RAPGEF5: variants seen among roughly 807,000 people sequenced by gnomAD.
The protein encoded by RAPGEF5 is Rap guanine nucleotide exchange factor 5.
RAPGEF5 carries 65 observed loss-of-function variants against 125.2 expected under a neutral mutation model. That is an observed-to-expected ratio of 0.52 (90% confidence interval 0.43 to 0.64). RAPGEF5 has a LOEUF of 0.64. Ranked by LOEUF, RAPGEF5 falls within the 30% of genes least tolerant of loss-of-function variation. The probability of loss-of-function intolerance (pLI) is 0.00; values close to 1 mark genes in which losing one functional copy is unlikely to be tolerated. For missense variants in RAPGEF5, 958 were observed against 1,048.1 expected (o/e 0.91, Z 1.19); for synonymous variants, 391 against 385.9 (o/e 1.01, Z -0.16).
In RAPGEF5 at chr7:22,327,253, T is replaced by A. The variant is rs1234434380; in HGVS notation, c.232-9216A>T. 2.6e-5 allele frequency among the ~76,000 whole-genome samples: 4 copies of A among 152,246 alleles called. No individual in the cohort carries two copies. In the East Asian group the frequency reaches 7.7e-4, roughly 29 times the overall value. On this transcript the variant is annotated intron_variant, in intron 1 of 25. Coordinates refer to ENST00000665637, the MANE Select transcript of RAPGEF5 (RefSeq NM_012294.5). ...CTTTCTACTCATGTTTAAATTTTCA[T>A]ATAGATTGTAAAAATACATTCATAT...
Position 22,167,105 on chromosome 7 carries a change from C to G in RAPGEF5, c.1248G>C (p.Met416Ile). ...GAGCCTGGCACAAGTCATCAGTTGT[C>G]ATGAAGACAGTGTACGTGAGAAGGA... is the stretch of plus-strand genomic sequence containing the variant. ...DDFLLTYTVF[M>I]TTDDLCQALL... is the part of the protein sequence containing the mutation. Residue 416 changes from methionine to isoleucine, a missense_variant, in exon 12 of 26, where the codon ATG becomes ATC. Met to Ile is a conservative substitution (Grantham distance 10, BLOSUM62 1). Coordinates refer to ENST00000665637, the MANE Select transcript of RAPGEF5 (RefSeq NM_012294.5). The G allele has an allele frequency of 6.2e-7, 1 of 1,612,938 alleles. No homozygotes were observed. The highest frequency in any genetic ancestry group is 8.5e-7 in the Non-Finnish European group (1 of 1,179,494).
In RAPGEF5 at chr7:22,140,077, A is replaced by G; in HGVS notation, c.2225T>C (p.Ile742Thr). 6.4e-7 allele frequency: 1 copy of G among 1,565,798 alleles called. No individual in the cohort carries two copies. The highest frequency in any genetic ancestry group is 1.2e-5 in the South Asian group (1 of 84,644). Residue 742 changes from isoleucine (I) to threonine (T), a missense_variant, in exon 21 of 26, where the codon ATT becomes ACT. Ile to Thr is a moderately conservative substitution (Grantham distance 89). Coordinates refer to ENST00000665637, the MANE Select transcript of RAPGEF5 (RefSeq NM_012294.5). Reference protein sequence around the residue: ...AQRNLNSFFAIVMGLNTASVS... With the variant: ...AQRNLNSFFATVMGLNTASVS... ...AGAAGCAGTGTTGAGACCCATCACA[A>G]TGGCAAAGAAAGAATTCAGGTTTCT...
rs79967527 is a variant in RAPGEF5 at position 22,327,011 on chromosome 7, T to A, written c.232-8974A>T. Among the ~76,000 whole-genome samples the A allele has an allele frequency of 1.6e-3, 247 of 152,330 alleles. 8 individuals carry two copies. In the East Asian group the frequency reaches 0.031, roughly 19 times the overall value. On this transcript the variant is annotated intron_variant, in intron 1 of 25. Coordinates refer to ENST00000665637, the MANE Select transcript of RAPGEF5 (RefSeq NM_012294.5). Reference sequence around the variant, plus strand: ...TTTTTGTATGTCAATCATACCTTAATAAAGTGGTTAAAAAAAGCAAATGAA... The same window carrying A: ...TTTTTGTATGTCAATCATACCTTAAAAAAGTGGTTAAAAAAAGCAAATGAA...
At chr7:22,198,645 A>G (rs1296523152) in intron 9 of RAPGEF5, among the ~76,000 whole-genome samples, 1 of 152,218 alleles carries the variant, frequency 6.6e-6, no homozygotes, top group African/African-American at 2.4e-5. Context: ...ACACTGCCAT[A>G]TGCAACAAAC....
intron 25 of RAPGEF5, 143 bp from the exon 26 acceptor site, chr7:22,122,664 C>T (rs1006072979): frequency 8.1e-6 from 5 of 616,848 alleles, no homozygotes; most frequent in Non-Finnish European, 1.4e-5. Context: ...TGTCCTTGTC[C>T]TACAGTAGAA....
chr7:22,313,877 C>G (rs1783530611), intron 3 of RAPGEF5, among the ~76,000 whole-genome samples: 1 of 151,648 alleles, frequency 6.6e-6, no homozygotes, highest in African/African-American at 2.4e-5. Flanking sequence ...ACCACCACAG[C>G]CCTTTTACTC....
intron 7 of RAPGEF5, among the ~76,000 whole-genome samples, chr7:22,265,147 T>C (rs1176976016): frequency 6.6e-6 from 1 of 152,192 alleles, no homozygotes; most frequent in Non-Finnish European, 1.5e-5. Flanking sequence ...CTCTCGCTAT[T>C]TTGCAATATA....
intron 9 of RAPGEF5, among the ~76,000 whole-genome samples, chr7:22,205,103 A>C (rs181095049): frequency 6.6e-6 from 1 of 152,312 alleles, no homozygotes; most frequent in Non-Finnish European, 1.5e-5. Context: ...ATTAATGTGC[A>C]CCTGGAGGGC....
chr7:22,242,962 A>AG (rs915740328), intron 7 of RAPGEF5, among the ~76,000 whole-genome samples: 44 of 149,632 alleles, frequency 2.9e-4, no homozygotes, highest in Non-Finnish European at 4.9e-4. Flanking sequence ...AAAAAAAAAA[A>AG]AAAGAAAGAA....
At chr7:22,149,016 A>G (rs1783533441) in intron 18 of RAPGEF5, among the ~76,000 whole-genome samples, 1 of 152,216 alleles carries the variant, frequency 6.6e-6, no homozygotes, top group Non-Finnish European at 1.5e-5. Flanking sequence ...GGTCCAAGTA[A>G]GGCATGTACA....
chr7:22,153,274 C>T (rs1238951839), intron 17 of RAPGEF5, among the ~76,000 whole-genome samples: 1 of 152,172 alleles, frequency 6.6e-6, no homozygotes, highest in African/African-American at 2.4e-5. Context: ...AAGCTTAATA[C>T]TGTTTAAAAT....
intron 6 of RAPGEF5, among the ~76,000 whole-genome samples, chr7:22,270,475 T>A (rs1444133374): frequency 6.6e-6 from 1 of 152,224 alleles, no homozygotes; most frequent in East Asian, 1.9e-4. Context: ...CTAACCTGAG[T>A]TCCTCTCACC....
chr7:22,241,343 G>A (rs1305264068), intron 7 of RAPGEF5, among the ~76,000 whole-genome samples: 4 of 151,950 alleles, frequency 2.6e-5, no homozygotes, highest in Admixed American at 2.0e-4. Context: ...AATTCCCCAG[G>A]TGTCCTTGTG....
At chr7:22,148,937 A>G (rs1434761040) in intron 18 of RAPGEF5, among the ~76,000 whole-genome samples, 17 of 152,196 alleles carry the variant, frequency 1.1e-4, no homozygotes, top group Admixed American at 1.1e-3. Flanking sequence ...GCTGTGCAGC[A>G]CCCAGTTGGT....
chr7:22,285,576 A>G (rs532729973), intron 6 of RAPGEF5, among the ~76,000 whole-genome samples: 1 of 152,336 alleles, frequency 6.6e-6, no homozygotes, highest in African/African-American at 2.4e-5. Context: ...GAATTTCTCC[A>G]ATATATCAAA....
intron 1 of RAPGEF5, among the ~76,000 whole-genome samples, chr7:22,329,646 C>T (rs1447595221): frequency 6.6e-6 from 1 of 152,002 alleles, no homozygotes; most frequent in Admixed American, 6.6e-5. Flanking sequence ...TGGAATACAC[C>T]AAAGCGCTAA....
intron 11 of RAPGEF5, among the ~76,000 whole-genome samples, chr7:22,191,901 A>T (rs1785008351): frequency 6.6e-6 from 1 of 152,246 alleles, no homozygotes; most frequent in Non-Finnish European, 1.5e-5. Context: ...TGACCCAGAC[A>T]CAAAGTCTTG....
chr7:22,231,980 G>C (rs1165632621), intron 7 of RAPGEF5, among the ~76,000 whole-genome samples: 1 of 152,188 alleles, frequency 6.6e-6, no homozygotes, highest in African/African-American at 2.4e-5. Flanking sequence ...AGCGGAAGCA[G>C]GGAGACCAGT....
chr7:22,345,847 C>T (rs897355828), intron 1 of RAPGEF5, among the ~76,000 whole-genome samples: 2 of 152,062 alleles, frequency 1.3e-5, no homozygotes, highest in Non-Finnish European at 1.5e-5. Context: ...CTTCTGACAC[C>T]TCTCCTAGAA....
Sources: allele counts gnomAD v4.1 joint callset (sites outside exome capture counted in the v4.1 genomes callset), GRCh38; gene constraint gnomAD v4.1.1; transcripts MANE v1.5; gene names NCBI Gene and HGNC (gene_info 2026-07-23, HGNC 2026-07-21).